KHDRBS2: variants seen among roughly 807,000 people sequenced by gnomAD.
KHDRBS2 encodes KH domain-containing, RNA-binding, signal transduction-associated protein 2.
KHDRBS2 carries 26 observed loss-of-function variants against 44.3 expected under a neutral mutation model. That is an observed-to-expected ratio of 0.59 (90% confidence interval 0.43 to 0.81). KHDRBS2 has a LOEUF of 0.81. KHDRBS2 is among the 40% of genes least tolerant of loss of function. The pLI is 0.00. For synonymous variants in KHDRBS2, 194 were observed against 151.1 expected (o/e 1.28, Z -2.08); for missense variants, 476 against 433.1 (o/e 1.10, Z -0.88).
At chr6:61,597,773 T>TATATATATATATATATATATATAA in the KHDRBS2 span, among the ~76,000 whole-genome samples, 1 of 42,354 alleles carries the variant, frequency 2.4e-5, no homozygotes, top group African/African-American at 8.5e-5. Context: ...TATATATATA[T>TATATATATATATATATATATATAA]ACACCAAGAT....
chr6:62,074,886 C>G (rs1584533819), intron 2 of KHDRBS2, among the ~76,000 whole-genome samples: 1 of 151,854 alleles, frequency 6.6e-6, no homozygotes, highest in Non-Finnish European at 1.5e-5. Flanking sequence ...ATGTATTATG[C>G]AAACTATGAC....
chr6:62,261,667 C>T (rs959627573), intron 1 of KHDRBS2, among the ~76,000 whole-genome samples: 1 of 151,716 alleles, frequency 6.6e-6, no homozygotes, highest in African/African-American at 2.4e-5. Context: ...AAATTAGACC[C>T]TAGGCTAGAA....
At chr6:62,127,692 A>G (rs1809294476) in intron 2 of KHDRBS2, among the ~76,000 whole-genome samples, 1 of 152,140 alleles carries the variant, frequency 6.6e-6, no homozygotes, top group Non-Finnish European at 1.5e-5. Flanking sequence ...CTCTGGAGCC[A>G]CACAGAACAA....
intron 3 of KHDRBS2, among the ~76,000 whole-genome samples, chr6:62,006,163 C>T (rs181653545): frequency 6.6e-6 from 1 of 151,960 alleles, no homozygotes; most frequent in African/African-American, 2.4e-5. Flanking sequence ...TACAGTAATA[C>T]AACTGTAAAA....
At chr6:61,583,820 G>T in the KHDRBS2 span, among the ~76,000 whole-genome samples, 1 of 151,490 alleles carries the variant, frequency 6.6e-6, no homozygotes, top group South Asian at 2.1e-4. Context: ...TTCCTTAACA[G>T]TATTGAGTCT....
At chr6:62,067,137 G>A (rs1793923482) in intron 2 of KHDRBS2, among the ~76,000 whole-genome samples, 2 of 151,348 alleles carry the variant, frequency 1.3e-5, no homozygotes. Context: ...AGATTACTTA[G>A]GTTACTTTTT....
chr6:61,963,470 G>T (rs1470484666), intron 4 of KHDRBS2, among the ~76,000 whole-genome samples: 1 of 152,026 alleles, frequency 6.6e-6, no homozygotes, highest in Non-Finnish European at 1.5e-5. Context: ...GCAAACATTG[G>T]ATTGAAAAAG....
At chr6:62,119,882 T>C (rs993418028) in intron 2 of KHDRBS2, among the ~76,000 whole-genome samples, 1 of 152,182 alleles carries the variant, frequency 6.6e-6, no homozygotes, top group Non-Finnish European at 1.5e-5. Flanking sequence ...TGTTTGCTTC[T>C]AGACCTGTAA....
intron 3 of KHDRBS2, among the ~76,000 whole-genome samples, chr6:62,000,364 A>G (rs1297514018): frequency 6.6e-6 from 1 of 152,184 alleles, no homozygotes; most frequent in African/African-American, 2.4e-5. Context: ...CCTTCTCAAC[A>G]CAGAGTCTAA....
intron 2 of KHDRBS2, among the ~76,000 whole-genome samples, chr6:62,098,112 T>C (rs1187500848): frequency 1.3e-5 from 2 of 152,240 alleles, no homozygotes; most frequent in South Asian, 4.1e-4. Context: ...ATTAATATAG[T>C]CATTTTTAAC....
At chr6:61,903,906 G>C (rs1804505514) in intron 4 of KHDRBS2, among the ~76,000 whole-genome samples, 2 of 152,172 alleles carry the variant, frequency 1.3e-5, no homozygotes, top group Non-Finnish European at 1.5e-5. Context: ...TGAATCTCCA[G>C]ATATCCTAAG....
the KHDRBS2 span, among the ~76,000 whole-genome samples, chr6:61,626,092 T>C: frequency 5.8e-4 from 88 of 152,304 alleles, no homozygotes; most frequent in Middle Eastern, 3.4e-3. Context: ...TATTATAATT[T>C]GTCATACAGT....
At position 62,073,258 on chromosome 6, in the gene KHDRBS2, A is replaced by T. The variant is rs549394364; in HGVS notation, c.220-25264T>A. ...CTGTACATGTCATAGTTCTATACAG[A>T]TTTTCTATTTTTTCTTCAGTCAGTT... On this transcript the variant is annotated intron_variant, in intron 2 of 8. Transcript: ENST00000281156. 2.2e-4 allele frequency among the ~76,000 whole-genome samples: 33 copies of T among 151,650 alleles called. 1 individual carries two copies. The South Asian group carries it at 3.5e-3, about 16-fold the overall frequency.
At chr6:62,157,216 G>T (rs1404896323) in intron 2 of KHDRBS2, among the ~76,000 whole-genome samples, 2 of 151,444 alleles carry the variant, frequency 1.3e-5, no homozygotes, top group East Asian at 4.0e-4. Context: ...CCAGCTACTC[G>T]GGAGGCTGTG....
chr6:61,571,233 C>T, the KHDRBS2 span, among the ~76,000 whole-genome samples: 1 of 151,986 alleles, frequency 6.6e-6, no homozygotes, highest in Non-Finnish European at 1.5e-5. Flanking sequence ...AAAAGATATT[C>T]CATGCAAATG....
chr6:61,710,871 T>C (rs756056250), intron 7 of KHDRBS2, among the ~76,000 whole-genome samples: 4 of 141,356 alleles, frequency 2.8e-5, no homozygotes, highest in Admixed American at 1.5e-4. Flanking sequence ...ATAAGCATTA[T>C]AAGGATGTTG....
chr6:62,101,022 C>A (rs1299602011), intron 2 of KHDRBS2, among the ~76,000 whole-genome samples: 1 of 152,158 alleles, frequency 6.6e-6, no homozygotes, highest in Non-Finnish European at 1.5e-5. Flanking sequence ...TCTCTAGTAT[C>A]TGCAGGAGCA....
chr6:61,951,235 C>T (rs1335133165), intron 4 of KHDRBS2, among the ~76,000 whole-genome samples: 6 of 151,950 alleles, frequency 3.9e-5, no homozygotes, highest in African/African-American at 1.4e-4. Context: ...GTCTTTGCTG[C>T]TCTAAAAAGG....
downstream of KHDRBS2, among the ~76,000 whole-genome samples, chr6:61,676,759 CTG>C (rs1765969338): frequency 6.6e-6 from 1 of 151,788 alleles, no homozygotes. Context: ...GAGGTCCTCT[CTG>C]TGTTCCAAAC....
Sources: gnomAD v4.1 joint callset for allele counts (sites outside exome capture counted in the v4.1 genomes callset) on GRCh38, gnomAD v4.1.1 for gene constraint, MANE v1.5 for transcripts, NCBI Gene and HGNC (gene_info 2026-07-23, HGNC 2026-07-21) for gene names.